Variants in TMOD3 observed in about 807,000 individuals in gnomAD.
TMOD3 encodes tropomodulin 3.
In TMOD3, 20 loss-of-function variants were observed where a neutral mutation model predicts 39.2. The observed-to-expected ratio is 0.51, with a 90% confidence interval of 0.36 to 0.74. The LOEUF (loss-of-function observed/expected upper bound fraction) is 0.74, where lower values mean the gene tolerates loss of function less well. TMOD3 is among the 30% of genes least tolerant of loss of function. The pLI is 0.00. For synonymous variants in TMOD3, 143 were observed against 145.8 expected (o/e 0.98, Z 0.14); for missense variants, 381 against 412.8 (o/e 0.92, Z 0.67).
At chr15:51,833,815 T>C (rs942718103) in intron 1 of TMOD3, among the ~76,000 whole-genome samples, 1 of 152,228 alleles carries the variant, frequency 6.6e-6, no homozygotes, top group African/African-American at 2.4e-5. Flanking sequence ...TCTTGATAAA[T>C]ACCTAGGAGC....
chr15:51,835,292 T>G (rs1262347036), intron 1 of TMOD3, among the ~76,000 whole-genome samples: 1 of 152,094 alleles, frequency 6.6e-6, no homozygotes, highest in African/African-American at 2.4e-5. Flanking sequence ...GTGTTTTAGT[T>G]TCCATCTTTT....
intron 1 of TMOD3, among the ~76,000 whole-genome samples, chr15:51,831,719 C>T (rs2056256094): frequency 1.3e-5 from 2 of 152,048 alleles, no homozygotes; most frequent in South Asian, 2.1e-4. Context: ...TTTCCTTTCT[C>T]TTTGCTAGTT....
chr15:51,860,191 G>A, intron 1 of TMOD3: 1 of 471,732 alleles, frequency 2.1e-6, no homozygotes. Flanking sequence ...TCTGTGTGTA[G>A]AGCCTGAGGG....
In TMOD3 at chr15:51,862,894, C is replaced by T. The variant is rs754891010; in HGVS notation, c.10C>T (p.Pro4Ser). The T allele has an allele frequency of 6.2e-7, 1 of 1,613,346 alleles. No individual in the cohort carries two copies. Residue 4 changes from proline to serine, a missense_variant, in exon 2 of 10, where the codon CCA (proline) becomes TCA (serine). Physicochemically the swap from Pro to Ser is moderately conservative, Grantham distance 74. Transcript: ENST00000308580. MAL[P>S]FRKDLEKYKD... ...TGCTGCCCTGCACATCATGGCACTG[C>T]CATTCCGTAAGGACTTAGAAAAGTA...
In TMOD3 at chr15:51,911,376, T is replaced by G. The variant is rs1473243752; in HGVS notation, c.*2566T>G. 1 of 152,236 alleles carries G rather than the reference T, an allele frequency of 6.6e-6. No individual in the cohort carries two copies. The highest frequency in any genetic ancestry group is 2.4e-5 in the African/African-American group (1 of 41,454). The allele number at this position is 152,236 out of a possible 1,614,324, so 9.4% of individuals were successfully genotyped here. On this transcript the variant is annotated 3_prime_UTR_variant, in exon 10 of 10. Coordinates refer to ENST00000308580, the MANE Select transcript of TMOD3 (RefSeq NM_014547.5). ...CATTGTATAACTGAAAGAAATGATT[T>G]CTTCATAAGTGACATTAAATATGAA...
At chr15:51,902,647 T>G (rs1387609954) in intron 9 of TMOD3, among the ~76,000 whole-genome samples, 8 of 74,774 alleles carry the variant, frequency 1.1e-4, no homozygotes, top group African/African-American at 4.2e-4. Flanking sequence ...TTTTTGTATT[T>G]TTTTTTTTTT....
rs1332077587 is a variant in TMOD3, at chr15:51,911,819, G to A, written c.*3009G>A. ...TGGATTTTGGTGCTATATTCTTGTA[G>A]CTAAAGCCTAGTAGAATTCTCAAGA... On this transcript the variant is annotated 3_prime_UTR_variant, in exon 10 of 10. Transcript: ENST00000308580. The A allele has an allele frequency of 6.6e-6, 1 of 152,140 alleles. No individual in the cohort carries two copies. Among genetic ancestry groups the A allele is most frequent in the Non-Finnish European group, 1.5e-5 (1 of 68,030 alleles). 9.4% of individuals were successfully genotyped at this position (152,140 alleles called of 1,614,324 possible). A position where few individuals can be genotyped will look rare whatever the true frequency, so the allele number is the denominator to read the frequency against.
chr15:51,875,588 A>G (rs1206232724), intron 3 of TMOD3, among the ~76,000 whole-genome samples: 1 of 142,252 alleles, frequency 7.0e-6, no homozygotes, highest in Non-Finnish European at 1.5e-5. Context: ...TCTCCATATG[A>G]TTTACATACC....
chr15:51,850,726 A>G (rs1320517732), intron 1 of TMOD3, among the ~76,000 whole-genome samples: 2 of 151,752 alleles, frequency 1.3e-5, no homozygotes, highest in African/African-American at 4.9e-5. Flanking sequence ...AGGAAGAGTT[A>G]GGTTTTTTGT....
chr15:51,882,019 C>T (rs144900554), intron 3 of TMOD3, among the ~76,000 whole-genome samples: 7,000 of 150,394 alleles, frequency 0.047, 356 homozygotes, highest in African/African-American at 0.12. Flanking sequence ...CTCAGCCTCC[C>T]GAGTAGCTGG....
intron 9 of TMOD3, among the ~76,000 whole-genome samples, chr15:51,908,350 G>T (rs1393165699): frequency 6.6e-6 from 1 of 152,192 alleles, no homozygotes; most frequent in Non-Finnish European, 1.5e-5. Context: ...GAGGCGGGCA[G>T]ATCACTTGAG....
intron 1 of TMOD3, among the ~76,000 whole-genome samples, chr15:51,832,771 T>C (rs1248274079): frequency 1.3e-5 from 2 of 152,184 alleles, no homozygotes; most frequent in African/African-American, 4.8e-5. Context: ...GGGAGAAAGA[T>C]AAAGAGGAGG....
chr15:51,908,933 A>AT lies in TMOD3; in HGVS notation c.*133dup, dbSNP rs375099937. 3,150 of 498,790 alleles carry AT rather than the reference A, an allele frequency of 6.3e-3. 7 individuals are homozygous for AT. The highest frequency in any genetic ancestry group is 0.019 in the African/African-American group (917 of 49,106). 30.9% of individuals were successfully genotyped at this position (498,790 alleles called of 1,614,324 possible). On this transcript the variant is annotated 3_prime_UTR_variant, in exon 10 of 10. Transcript: ENST00000308580. ...TGGAAAAATTTTTTTAGTGACATGC[A>AT]TTTTTTTTTTAGTTGTTATCAAATT...
At chr15:51,886,316 G>A (rs935574907) in intron 3 of TMOD3, among the ~76,000 whole-genome samples, 2 of 152,218 alleles carry the variant, frequency 1.3e-5, no homozygotes, top group Non-Finnish European at 2.9e-5. Context: ...CAAGGCAGGC[G>A]GCTGGGAGGT....
At chr15:51,864,991 A>T (rs552103212) in intron 2 of TMOD3, among the ~76,000 whole-genome samples, 1 of 152,016 alleles carries the variant, frequency 6.6e-6, no homozygotes, top group Non-Finnish European at 1.5e-5. Flanking sequence ...AATAAAAAAC[A>T]TGACTTTTTT....
At chr15:51,864,318 G>A (rs1240825816) in intron 2 of TMOD3, among the ~76,000 whole-genome samples, 2 of 151,264 alleles carry the variant, frequency 1.3e-5, no homozygotes, top group Non-Finnish European at 2.9e-5. Context: ...TAGTCCCTAG[G>A]CCAGGTTCCT....
chr15:51,877,751 A>G lies in TMOD3; in HGVS notation c.283+8378A>G, dbSNP rs559551721. On this transcript the variant is annotated intron_variant, in intron 3 of 9. Transcript: ENST00000308580. ...CAGTCTAGGGCTAATTATTTCCCCAATACTGAGGCAAGACCCTTCTGAGTT... is the reference window on the plus strand; with the variant it reads ...CAGTCTAGGGCTAATTATTTCCCCAGTACTGAGGCAAGACCCTTCTGAGTT... Among the ~76,000 whole-genome samples, 44 of 152,004 alleles carry G rather than the reference A, an allele frequency of 2.9e-4. 1 individual carries two copies. The South Asian group carries it at 6.3e-3, about 22-fold the overall frequency.
intron 9 of TMOD3, chr15:51,907,411 T>C (rs2056687624): frequency 6.6e-6 from 1 of 152,222 alleles, no homozygotes; most frequent in South Asian, 2.1e-4. Flanking sequence ...GTCCTTCTGG[T>C]TTTATTTTCA....
intron 1 of TMOD3, among the ~76,000 whole-genome samples, chr15:51,849,670 C>A (rs1255514534): frequency 6.6e-6 from 1 of 152,182 alleles, no homozygotes; most frequent in Non-Finnish European, 1.5e-5. Flanking sequence ...GTGGCTCCTG[C>A]CTGTAATCCC....
Sources: allele counts gnomAD v4.1 joint callset (sites outside exome capture counted in the v4.1 genomes callset), GRCh38; gene constraint gnomAD v4.1.1; transcripts MANE v1.5; gene names NCBI Gene and HGNC (gene_info 2026-07-23, HGNC 2026-07-21).